The following PPP1R12B variants were observed in gnomAD, a reference collection of about 807,000 sequenced individuals.
PPP1R12B encodes the protein myosin phosphatase target subunit 2.
In PPP1R12B, 76 loss-of-function variants were observed where a neutral mutation model predicts 126.1. The ratio of observed to expected loss-of-function variants is 0.60; its 90% confidence interval spans 0.50 to 0.73. The LOEUF (loss-of-function observed/expected upper bound fraction) is 0.73. Ranked by LOEUF, PPP1R12B falls within the 30% of genes least tolerant of loss-of-function variation. PPP1R12B has a pLI of 0.00. For missense variants in PPP1R12B, 1,052 were observed against 1,205.1 expected, an observed-to-expected ratio of 0.87 and a Z score of 1.88; for synonymous variants, 356 against 434.7, an observed-to-expected ratio of 0.82 and a Z score of 2.25.
At chr1:202,468,000 T>C (rs1171835386) in intron 13 of PPP1R12B, among the ~76,000 whole-genome samples, 4 of 152,148 alleles carry the variant, frequency 2.6e-5, no homozygotes, top group African/African-American at 7.2e-5. Context: ...TTTCATGTGT[T>C]TTTTGGCTGC....
Position 202,529,714 on chromosome 1 carries a change from A to G in PPP1R12B, c.2491-29163A>G, listed in dbSNP as rs543793886. Among the ~76,000 whole-genome samples, 31 of 152,324 alleles carry G rather than the reference A, an allele frequency of 2.0e-4. No individual in the cohort carries two copies. The South Asian group carries it at 4.6e-3, about 22-fold the overall frequency. On this transcript the variant is annotated intron_variant, in intron 18 of 23. Transcript: ENST00000608999. ...TGAGCTGAAATTTAAGTGTGTTGCT[A>G]CCAGGCAGTAATACGTTTTGCCTGG...
At chr1:202,538,038 G>A (rs1350897123) in intron 18 of PPP1R12B, among the ~76,000 whole-genome samples, 1 of 152,208 alleles carries the variant, frequency 6.6e-6, no homozygotes, top group Admixed American at 6.5e-5. Flanking sequence ...GCCCAGGCTA[G>A]AGTGCAATGG....
At chr1:202,377,088 AAC>A (rs1661288845) in intron 1 of PPP1R12B, among the ~76,000 whole-genome samples, 1 of 152,184 alleles carries the variant, frequency 6.6e-6, no homozygotes, top group African/African-American at 2.4e-5. Context: ...TACCCCTGTT[AAC>A]ACCATTTGGT....
chr1:202,420,701 G>A (rs1166043740), intron 2 of PPP1R12B, among the ~76,000 whole-genome samples: 1 of 152,070 alleles, frequency 6.6e-6, no homozygotes, highest in Admixed American at 6.6e-5. Flanking sequence ...ATTTATGAAC[G>A]GAATACTAGG....
chr1:202,580,551 G>C lies in PPP1R12B; in HGVS notation c.2940G>C (p.Leu980=), dbSNP rs756490930. 3.1e-6 allele frequency: 5 copies of C among 1,612,634 alleles called. No individual in the cohort carries two copies. Among genetic ancestry groups the C allele is most frequent in the Non-Finnish European group, 4.2e-6 (5 of 1,178,748 alleles). The stretch of plus-strand genomic sequence containing the variant: ...CCCTCATCAGAGTCATCAGCAAACT[G>C]TCCAAGTAGGCTAGGCTCCAGATTT... ...NGALIRVISK[L]SK The change falls in exon 24 of 24, where the codon CTG becomes CTC. Residue 980 remains leucine (L), a synonymous_variant. Transcript: ENST00000608999.
chr1:202,457,787 T>C (rs1673828879), intron 13 of PPP1R12B, among the ~76,000 whole-genome samples: 1 of 152,096 alleles, frequency 6.6e-6, no homozygotes, highest in South Asian at 2.1e-4. Context: ...AAGGCAACTT[T>C]AAGTTAACTA....
At chr1:202,530,922 A>G (rs888435744) in intron 18 of PPP1R12B, among the ~76,000 whole-genome samples, 35 of 152,210 alleles carry the variant, frequency 2.3e-4, no homozygotes, top group African/African-American at 8.4e-4. Context: ...ATTTTCTTAC[A>G]TGTGGAATTA....
Position 202,581,946 on chromosome 1 carries a change from G to A in PPP1R12B, c.*1386G>A, listed in dbSNP as rs1349420110. ...TCATTAGGTCCAGCTTTCTATTATTGTGTCACAGGGACCCCTGCTACCACA... is the reference window on the plus strand; with the variant it reads ...TCATTAGGTCCAGCTTTCTATTATTATGTCACAGGGACCCCTGCTACCACA... On this transcript the variant is annotated 3_prime_UTR_variant, in exon 24 of 24. Coordinates refer to ENST00000608999, the MANE Select transcript of PPP1R12B (RefSeq NM_002481.4). The A allele has an allele frequency of 6.6e-6, 1 of 152,220 alleles. No homozygotes were observed. 9.4% of individuals were successfully genotyped at this position (152,220 alleles called of 1,614,324 possible).
intron 3 of PPP1R12B, 134 bp from the exon 4 acceptor site, chr1:202,425,432 G>T: frequency 1.0e-6 from 1 of 972,596 alleles, no homozygotes; most frequent in South Asian, 1.6e-5. Context: ...TTCTAAATTT[G>T]ATAATTACCC....
chr1:202,587,365 CT>C lies in PPP1R12B; in HGVS notation c.*6806del, dbSNP rs1689879498. On this transcript the variant is annotated 3_prime_UTR_variant, in exon 24 of 24. Coordinates refer to ENST00000608999, the MANE Select transcript of PPP1R12B (RefSeq NM_002481.4). ...TACCAACCACCACCACCACCGCCCC[CT>C]ATTCCAGTTTCAAAGCTCCTCGGCT... 1 of 152,240 alleles carries C rather than the reference CT, an allele frequency of 6.6e-6. No individual in the cohort carries two copies. The highest frequency in any genetic ancestry group is 2.4e-5 in the African/African-American group (1 of 41,450). The allele number at this position is 152,240 out of a possible 1,614,324, so 9.4% of individuals were successfully genotyped here.
rs1672642475 is a variant in PPP1R12B at position 202,449,308 on chromosome 1, C to T, written c.1850+137C>T. On this transcript the variant is annotated intron_variant, in intron 13 of 23. Transcript: ENST00000608999. Reference sequence around the variant, plus strand: ...TTTTTTTTTTTGAGACAGAGCCTCACTCTGTCGCCCAGGCTGGAGTGCAGT... The same window carrying T: ...TTTTTTTTTTTGAGACAGAGCCTCATTCTGTCGCCCAGGCTGGAGTGCAGT... 4.4e-6 allele frequency: 6 copies of T among 1,375,314 alleles called. No individual in the cohort carries two copies. The East Asian group carries it at 1.1e-4, about 25-fold the overall frequency. 85.2% of individuals were successfully genotyped at this position (1,375,314 alleles called of 1,614,324 possible).
intron 18 of PPP1R12B, among the ~76,000 whole-genome samples, chr1:202,503,986 T>G (rs966637717): frequency 6.6e-6 from 1 of 152,138 alleles, no homozygotes; most frequent in African/African-American, 2.4e-5. Context: ...ATCAGAGGGA[T>G]TCTATTAATT....
intron 12 of PPP1R12B, chr1:202,445,195 G>A: frequency 8.0e-7 from 1 of 1,246,732 alleles, no homozygotes; most frequent in Non-Finnish European, 1.0e-6. Context: ...GCACCAATCA[G>A]TGCAAACACT....
intron 1 of PPP1R12B, among the ~76,000 whole-genome samples, chr1:202,411,774 T>C (rs1243556028): frequency 6.6e-6 from 1 of 152,192 alleles, no homozygotes; most frequent in Non-Finnish European, 1.5e-5. Context: ...TACCCCACTC[T>C]AGGTTGTACA....
intron 18 of PPP1R12B, among the ~76,000 whole-genome samples, chr1:202,506,156 T>C (rs1471116672): frequency 6.6e-6 from 1 of 152,224 alleles, no homozygotes; most frequent in Non-Finnish European, 1.5e-5. Context: ...CTGCCTGTTA[T>C]CCAGCATGCA....
At chr1:202,393,012 C>T (rs1269228110) in intron 1 of PPP1R12B, among the ~76,000 whole-genome samples, 1 of 152,170 alleles carries the variant, frequency 6.6e-6, no homozygotes, top group African/African-American at 2.4e-5. Flanking sequence ...CTGGTGCGAT[C>T]TCAACTCACT....
chr1:202,366,068 T>A (rs975302148), intron 1 of PPP1R12B, among the ~76,000 whole-genome samples: 1 of 152,164 alleles, frequency 6.6e-6, no homozygotes, highest in African/African-American at 2.4e-5. Context: ...ATTCCATTAC[T>A]ACTGAGATTT....
At chr1:202,459,957 G>A (rs956909773) in intron 13 of PPP1R12B, among the ~76,000 whole-genome samples, 2 of 152,154 alleles carry the variant, frequency 1.3e-5, no homozygotes, top group Admixed American at 1.3e-4. Context: ...GCAAGCTGTT[G>A]GCAGATAGCT....
In PPP1R12B at chr1:202,434,698, G is replaced by A. The variant is rs373933959; in HGVS notation, c.1184G>A (p.Ser395Asn). 1.2e-6 allele frequency: 2 copies of A among 1,613,580 alleles called. No individual in the cohort carries two copies. Among genetic ancestry groups the A allele is most frequent in the Admixed American group, 1.7e-5 (1 of 59,888 alleles). The change falls in exon 9 of 24, where the codon AGC becomes AAC. Residue 395 changes from serine (S) to asparagine (N), a missense_variant. Transcript: ENST00000608999. ...EAFVNHSNSE[S>N]KSSITEQIPA... ...TTTGTCAATCATTCCAACTCTGAAA[G>A]CAAGAGTAGTATCACAGAGCAGATA... is the stretch of plus-strand genomic sequence containing the variant.
Sources: allele counts gnomAD v4.1 joint callset (sites outside exome capture counted in the v4.1 genomes callset), GRCh38; gene constraint gnomAD v4.1.1; transcripts MANE v1.5; gene names NCBI Gene and HGNC (gene_info 2026-07-23, HGNC 2026-07-21).